Variants in SEMA6D observed in about 807,000 individuals in gnomAD.
The protein encoded by SEMA6D is semaphorin-6D.
In SEMA6D, 35 loss-of-function variants were observed where a neutral mutation model predicts 106.6. The ratio of observed to expected loss-of-function variants is 0.33; its 90% CI spans 0.25 to 0.44. SEMA6D has a LOEUF of 0.44. Ranked by LOEUF, SEMA6D falls within the 20% of genes least tolerant of loss-of-function variation. SEMA6D has a pLI of 1.00. For missense variants in SEMA6D, 1,185 were observed against 1,345.9 expected (o/e 0.88, Z 1.87); for synonymous variants, 499 against 487.7 (o/e 1.02, Z -0.31).
intron 1 of SEMA6D, among the ~76,000 whole-genome samples, chr15:47,363,088 G>GA (rs2038873363): frequency 6.6e-6 from 1 of 151,982 alleles, no homozygotes. Context: ...CTATATTCTA[G>GA]AAACTGTTCT....
At chr15:47,650,818 T>C (rs1292861196) in intron 4 of SEMA6D, among the ~76,000 whole-genome samples, 4 of 152,200 alleles carry the variant, frequency 2.6e-5, no homozygotes, top group African/African-American at 9.6e-5. Context: ...CAATTCATAC[T>C]ACCCCACTGA....
At chr15:47,636,620 C>T (rs2077393627) in intron 4 of SEMA6D, among the ~76,000 whole-genome samples, 1 of 152,272 alleles carries the variant, frequency 6.6e-6, no homozygotes, top group African/African-American at 2.4e-5. Context: ...CTATCATTTC[C>T]TCTTAAGATT....
chr15:47,396,180 T>C (rs1316388546), intron 1 of SEMA6D, among the ~76,000 whole-genome samples: 8 of 152,196 alleles, frequency 5.3e-5, no homozygotes, highest in Admixed American at 5.2e-4. Context: ...TCCAGGACTA[T>C]AGGAAATAAA....
intron 1 of SEMA6D, among the ~76,000 whole-genome samples, chr15:47,378,082 C>T (rs928622497): frequency 2.6e-5 from 4 of 152,096 alleles, no homozygotes; most frequent in South Asian, 2.1e-4. Context: ...AATAGAAACA[C>T]GATTCTCTCC....
At chr15:47,620,230 C>G (rs2077074632) in intron 4 of SEMA6D, among the ~76,000 whole-genome samples, 1 of 152,098 alleles carries the variant, frequency 6.6e-6, no homozygotes, top group Non-Finnish European at 1.5e-5. Context: ...CCACCCTGTG[C>G]ACATGCAGTG....
At chr15:47,702,114 A>G (rs2145924826) in intron 4 of SEMA6D, among the ~76,000 whole-genome samples, 1 of 152,222 alleles carries the variant, frequency 6.6e-6, no homozygotes, top group Admixed American at 6.5e-5. Context: ...ATTTTTACCT[A>G]CAGCCAGACA....
chr15:47,335,138 A>G (rs1290322909), intron 1 of SEMA6D, among the ~76,000 whole-genome samples: 1 of 152,090 alleles, frequency 6.6e-6, no homozygotes, highest in Admixed American at 6.6e-5. Context: ...GGGCAAAACC[A>G]AGAAACTATT....
intron 1 of SEMA6D, among the ~76,000 whole-genome samples, chr15:47,729,532 A>G (rs1053992261): frequency 1.3e-5 from 2 of 152,186 alleles, no homozygotes; most frequent in Non-Finnish European, 2.9e-5. Context: ...CAGTTGGGCC[A>G]TCATTTTCTG....
At position 47,300,747 on chromosome 15, in the gene SEMA6D, C is replaced by G. The variant is rs1312241149; in HGVS notation, c.-238-111646C>G. On this transcript the variant is annotated intron_variant, in intron 1 of 19. Coordinates refer to the SEMA6D transcript ENST00000558014. The stretch of plus-strand genomic sequence containing the variant: ...TGGACTTGCATTTCCCCTGGTCACT[C>G]AGCAACTTTTCCTTCTGCCACCCAT... Among the ~76,000 whole-genome samples the G allele has an allele frequency of 2.6e-5, 4 of 152,192 alleles. No individual in the cohort carries two copies. In the East Asian group the frequency reaches 7.7e-4, roughly 29 times the overall value.
chr15:47,210,764 CAA>C (rs34743184), intron 1 of SEMA6D, among the ~76,000 whole-genome samples: 1 of 62,744 alleles, frequency 1.6e-5, no homozygotes, highest in Non-Finnish European at 3.0e-5. Flanking sequence ...GACTCCGTCT[CAA>C]AAAAAAAAAA....
At chr15:47,428,087 T>TA (rs1272180525) in intron 2 of SEMA6D, among the ~76,000 whole-genome samples, 10 of 152,066 alleles carry the variant, frequency 6.6e-5, no homozygotes, top group Non-Finnish European at 1.0e-4. Flanking sequence ...TTAAAAAATG[T>TA]AAAAAAAGAG....
chr15:47,189,529 A>G (rs928252255), intron 1 of SEMA6D, among the ~76,000 whole-genome samples: 10 of 152,322 alleles, frequency 6.6e-5, no homozygotes, highest in Middle Eastern at 3.4e-3. Context: ...CCACAAAACT[A>G]AATTATCGCT....
chr15:47,423,537 C>G (rs2140436905), intron 2 of SEMA6D, among the ~76,000 whole-genome samples: 1 of 152,142 alleles, frequency 6.6e-6, no homozygotes, highest in African/African-American at 2.4e-5. Context: ...ATCAAAGAAA[C>G]ATAGACTACA....
intron 4 of SEMA6D, among the ~76,000 whole-genome samples, chr15:47,640,142 C>G (rs1374588873): frequency 6.6e-6 from 1 of 152,094 alleles, no homozygotes; most frequent in African/African-American, 2.4e-5. Context: ...TAAAACTGCT[C>G]TATAAAATAA....
intron 1 of SEMA6D, among the ~76,000 whole-genome samples, chr15:47,311,545 T>G (rs2036448809): frequency 6.6e-6 from 1 of 152,186 alleles, no homozygotes; most frequent in Non-Finnish European, 1.5e-5. Flanking sequence ...TTTTGTAGAT[T>G]AGCAGAGTGA....
At chr15:47,693,255 A>G (rs1441174562) in intron 4 of SEMA6D, among the ~76,000 whole-genome samples, 1 of 152,130 alleles carries the variant, frequency 6.6e-6, no homozygotes, top group African/African-American at 2.4e-5. Context: ...CTACAAGTCC[A>G]AGGGAGAGCC....
intron 4 of SEMA6D, among the ~76,000 whole-genome samples, chr15:47,649,519 G>A (rs1369918314): frequency 1.3e-5 from 2 of 152,184 alleles, no homozygotes; most frequent in Non-Finnish European, 2.9e-5. Flanking sequence ...GCATGTGCCT[G>A]TAGTCACAGC....
chr15:47,698,643 A>G (rs11857760), intron 4 of SEMA6D, among the ~76,000 whole-genome samples: 88,790 of 152,018 alleles, frequency 0.58, 26,472 homozygotes, highest in Middle Eastern at 0.67. Flanking sequence ...TTCCTCTGAT[A>G]TAGCTAATTC....
At chr15:47,619,673 A>G (rs12903499) in intron 4 of SEMA6D, among the ~76,000 whole-genome samples, 37,903 of 152,130 alleles carry the variant, frequency 0.25, 5,527 homozygotes, top group East Asian at 0.46. Flanking sequence ...ACAAGCCATC[A>G]TGGTGATTTG....
Sources: gnomAD v4.1 joint callset for allele counts (sites outside exome capture counted in the v4.1 genomes callset) on GRCh38, gnomAD v4.1.1 for gene constraint, MANE v1.5 for transcripts, NCBI Gene and HGNC (gene_info 2026-07-23, HGNC 2026-07-21) for gene names.